Variants in DLC1 observed in about 807,000 individuals in gnomAD.
The protein encoded by DLC1 is DLC1 Rho GTPase activating protein, also known as rho GTPase-activating protein 7.
Under a neutral mutation model 140.3 loss-of-function variants are expected in DLC1, and 54 were observed. The ratio of observed to expected loss-of-function variants is 0.38; its 90% CI spans 0.31 to 0.48. The LOEUF is 0.48. Ranked by LOEUF, DLC1 falls within the 20% of genes least tolerant of loss-of-function variation. The pLI is 0.96. For synonymous variants in DLC1, 986 were observed against 728.1 expected (o/e 1.35, Z -5.70); for missense variants, 2,536 against 1,907.0 (o/e 1.33, Z -6.14).
intron 5 of DLC1, among the ~76,000 whole-genome samples, chr8:13,277,468 T>C (rs973714652): frequency 2.0e-5 from 3 of 152,238 alleles, no homozygotes; most frequent in Non-Finnish European, 4.4e-5. Context: ...CCCCTGATTT[T>C]ATGAATCTTC....
chr8:13,578,105 C>T (rs1020666861), intron 1 of DLC1, among the ~76,000 whole-genome samples: 1 of 152,022 alleles, frequency 6.6e-6, no homozygotes, highest in Non-Finnish European at 1.5e-5. Flanking sequence ...GAACCAACTC[C>T]CTGGGAGTTG....
intron 5 of DLC1, among the ~76,000 whole-genome samples, chr8:13,151,036 C>G (rs765640645): frequency 6.6e-6 from 1 of 152,106 alleles, no homozygotes; most frequent in Non-Finnish European, 1.5e-5. Flanking sequence ...GAGGTAATAA[C>G]TAGGAATTAC....
chr8:13,210,709 C>T (rs1355687103), intron 5 of DLC1, among the ~76,000 whole-genome samples: 1 of 152,148 alleles, frequency 6.6e-6, no homozygotes, highest in African/African-American at 2.4e-5. Context: ...TTCAATAGAA[C>T]CGCTTTAGGT....
At chr8:13,453,432 ATATATG>A (rs1380545116) in intron 2 of DLC1, among the ~76,000 whole-genome samples, 1 of 28,648 alleles carries the variant, frequency 3.5e-5, no homozygotes, top group African/African-American at 2.0e-4. Context: ...ATGTGTATAT[ATATATG>A]TATATATATA....
At chr8:13,202,629 A>G (rs535297730) in intron 5 of DLC1, among the ~76,000 whole-genome samples, 3 of 151,558 alleles carry the variant, frequency 2.0e-5, no homozygotes, top group South Asian at 4.2e-4. Flanking sequence ...CTGTGACTTT[A>G]CTTTTATCAA....
intron 1 of DLC1, among the ~76,000 whole-genome samples, chr8:13,541,784 C>T (rs370114393): frequency 1.3e-5 from 2 of 152,124 alleles, no homozygotes. Flanking sequence ...CTCCTGACCA[C>T]GTGATCCGCC....
At chr8:13,472,560 GTAGTCCCC>G (rs1800256615) in intron 2 of DLC1, among the ~76,000 whole-genome samples, 1 of 152,160 alleles carries the variant, frequency 6.6e-6, no homozygotes, top group South Asian at 2.1e-4. Flanking sequence ...ATCTTTAGTA[GTAGTCCCC>G]TAGGACATAG....
chr8:13,193,182 A>G (rs1826858621), intron 5 of DLC1, among the ~76,000 whole-genome samples: 1 of 152,176 alleles, frequency 6.6e-6, no homozygotes, highest in Admixed American at 6.5e-5. Flanking sequence ...TGGGAAACAA[A>G]TAGGAATTTC....
chr8:13,238,947 G>T (rs549326369), intron 5 of DLC1, among the ~76,000 whole-genome samples: 1 of 152,306 alleles, frequency 6.6e-6, no homozygotes, highest in African/African-American at 2.4e-5. Flanking sequence ...TAGGGGGAAA[G>T]TGCACAGTCC....
At chr8:13,574,890 G>T (rs1177710304) in intron 1 of DLC1, among the ~76,000 whole-genome samples, 1 of 152,134 alleles carries the variant, frequency 6.6e-6, no homozygotes, top group African/African-American at 2.4e-5. Flanking sequence ...TCATGATGAA[G>T]CCTAGTATAA....
chr8:13,448,649 G>A (rs1034311259), intron 2 of DLC1, among the ~76,000 whole-genome samples: 7 of 152,092 alleles, frequency 4.6e-5, no homozygotes, highest in South Asian at 4.1e-4. Flanking sequence ...GTGAGCCACC[G>A]CACCCAGCCT....
rs927313874 is a variant in DLC1 at position 13,333,659 on chromosome 8, C to T, written c.1315-28357G>A. On this transcript the variant is annotated intron_variant, in intron 4 of 17. Transcript: ENST00000276297. ...ACTACCCTTCATGTGTTCTCACCCG[C>T]CCCCTTATTTAAAATATAGCTTTAT... 2.0e-5 allele frequency among the ~76,000 whole-genome samples: 3 copies of T among 152,124 alleles called. No homozygotes were observed. In the South Asian group the frequency reaches 6.2e-4, roughly 32 times the overall value.
intron 5 of DLC1, among the ~76,000 whole-genome samples, chr8:13,175,379 T>A (rs1412525132): frequency 6.6e-6 from 1 of 151,998 alleles, no homozygotes; most frequent in Non-Finnish European, 1.5e-5. Flanking sequence ...TCTGAGTAGT[T>A]TTTTTCTAAT....
At chr8:13,432,942 C>CTTTTTT (rs35776848) in intron 2 of DLC1, among the ~76,000 whole-genome samples, 26 of 92,974 alleles carry the variant, frequency 2.8e-4, no homozygotes, top group Non-Finnish European at 3.7e-4. Flanking sequence ...TCCTCTCTTC[C>CTTTTTT]TTTTTTTTTT....
At chr8:13,356,056 C>T (rs1834928870) in intron 4 of DLC1, among the ~76,000 whole-genome samples, 1 of 118,986 alleles carries the variant, frequency 8.4e-6, no homozygotes, top group South Asian at 2.9e-4. Flanking sequence ...CGCCACTGCA[C>T]TGCAGCCTGA....
chr8:13,223,796 A>T (rs1037214299), intron 5 of DLC1, among the ~76,000 whole-genome samples: 1 of 152,200 alleles, frequency 6.6e-6, no homozygotes, highest in African/African-American at 2.4e-5. Flanking sequence ...AGTCTTTAAA[A>T]CTGGCTTCAA....
chr8:13,577,062 C>A (rs1482763742), intron 1 of DLC1, among the ~76,000 whole-genome samples: 1 of 152,116 alleles, frequency 6.6e-6, no homozygotes, highest in Non-Finnish European at 1.5e-5. Context: ...ACAGGTGGGA[C>A]GATGGCGTTA....
At chr8:13,457,571 G>A (rs951577028) in intron 2 of DLC1, among the ~76,000 whole-genome samples, 1 of 151,150 alleles carries the variant, frequency 6.6e-6, no homozygotes, top group Non-Finnish European at 1.5e-5. Flanking sequence ...GAGCTACTCG[G>A]GAGGCTGAGG....
At chr8:13,281,708 G>A (rs1831371370) in intron 5 of DLC1, among the ~76,000 whole-genome samples, 1 of 152,176 alleles carries the variant, frequency 6.6e-6, no homozygotes, top group Non-Finnish European at 1.5e-5. Flanking sequence ...GGAGGGCATA[G>A]TGTTGAATAT....
Sources: allele counts gnomAD v4.1 joint callset (sites outside exome capture counted in the v4.1 genomes callset), GRCh38; gene constraint gnomAD v4.1.1; transcripts MANE v1.5; gene names NCBI Gene and HGNC (gene_info 2026-07-23, HGNC 2026-07-21).